RPS6KA6: variants seen among roughly 807,000 people sequenced by gnomAD.
RPS6KA6 encodes the protein ribosomal protein S6 kinase A6, also known as ribosomal protein S6 kinase alpha-6.
RPS6KA6 carries 27 observed loss-of-function variants against 65.4 expected under a neutral mutation model. The observed-to-expected ratio is 0.41, with a 90% CI of 0.30 to 0.57. The LOEUF is 0.57. RPS6KA6 is among the 20% of genes least tolerant of loss of function. RPS6KA6 has a pLI of 0.24. For missense variants in RPS6KA6, 486 were observed against 555.6 expected (o/e 0.87, Z 1.26); for synonymous variants, 190 against 184.2 (o/e 1.03, Z -0.26).
intron 3 of RPS6KA6, among the ~76,000 whole-genome samples, chrX:84,150,997 T>C (rs2035302218): frequency 3.8e-5 from 3 of 78,309 alleles, no homozygotes; most frequent in African/African-American, 8.1e-5. Context: ...ATAGAGGATA[T>C]ATATAGAGAG....
rs1295740350 is a variant in RPS6KA6 at position 84,060,577 on chromosome X, T to C, written c.*3700A>G. ...TTAAAAACAACATATACAGAAATAA[T>C]CGCCAATCTCTGTCTACCTCCACAT... On this transcript the variant is annotated 3_prime_UTR_variant, in exon 22 of 22. Coordinates refer to ENST00000262752, the MANE Select transcript of RPS6KA6 (RefSeq NM_014496.5). The C allele has an allele frequency of 9.1e-6, 1 of 110,415 alleles. No homozygotes were observed. Among genetic ancestry groups the C allele is most frequent in the Non-Finnish European group, 1.9e-5 (1 of 52,794 alleles). 9.1% of individuals were successfully genotyped at this position (110,415 alleles called of 1,213,427 possible). A position where few individuals can be genotyped will look rare whatever the true frequency, so the allele number is the denominator to read the frequency against.
In RPS6KA6 at chrX:84,060,177, C is replaced by G. The variant is rs1342385292; in HGVS notation, c.*4100G>C. On this transcript the variant is annotated 3_prime_UTR_variant, in exon 22 of 22. Transcript: ENST00000262752. Reference sequence around the variant, plus strand: ...ATTCCCACATAAAAAGGCAAATAGCCCACTATTGATTTATTCTGCTAATTT... The same window carrying G: ...ATTCCCACATAAAAAGGCAAATAGCGCACTATTGATTTATTCTGCTAATTT... 3 of 111,105 alleles carry G rather than the reference C, an allele frequency of 2.7e-5. No individual in the cohort carries two copies. The highest frequency in any genetic ancestry group is 1.9e-4 in the Admixed American group (2 of 10,375). 9.2% of individuals were successfully genotyped at this position (111,105 alleles called of 1,213,427 possible).
At chrX:84,186,682 C>T (rs2035932383) in intron 1 of RPS6KA6, 1 of 111,054 alleles carries the variant, frequency 9.0e-6, no homozygotes, top group African/African-American at 3.3e-5. Context: ...ATACAACAGC[C>T]AAATGTGTAT....
In RPS6KA6 at chrX:84,062,267, A is replaced by T. The variant is rs910823775; in HGVS notation, c.*2010T>A. 9.9e-5 allele frequency: 11 copies of T among 111,594 alleles called. No homozygotes were observed. Among genetic ancestry groups the T allele is most frequent in the Non-Finnish European group, 1.5e-4 (8 of 53,025 alleles). 9.2% of individuals were successfully genotyped at this position (111,594 alleles called of 1,213,427 possible). A position where few individuals can be genotyped will look rare whatever the true frequency, so the allele number is the denominator to read the frequency against. The stretch of plus-strand genomic sequence containing the variant: ...TAGAAAACCTGAAAGTTATTTTGTA[A>T]TCATTTTTCATTTTCTGATTTCACT... On this transcript the variant is annotated 3_prime_UTR_variant, in exon 22 of 22. Coordinates refer to ENST00000262752, the MANE Select transcript of RPS6KA6 (RefSeq NM_014496.5).
At chrX:84,140,897 A>G (rs2035090075) in intron 6 of RPS6KA6, among the ~76,000 whole-genome samples, 1 of 109,454 alleles carries the variant, frequency 9.1e-6, no homozygotes, top group South Asian at 3.9e-4. Context: ...CCCAAAAGTT[A>G]GAATGAAAAG....
chrX:84,139,977 GAGA>G (rs1035147015), intron 6 of RPS6KA6, among the ~76,000 whole-genome samples: 4 of 111,809 alleles, frequency 3.6e-5, no homozygotes, highest in African/African-American at 1.3e-4. Flanking sequence ...GAGAGTCTTA[GAGA>G]AGGAGGACAA....
At chrX:84,124,999 T>C (rs768899142) in intron 8 of RPS6KA6, among the ~76,000 whole-genome samples, 9 of 111,871 alleles carry the variant, frequency 8.0e-5, no homozygotes, top group African/African-American at 2.9e-4. Context: ...GAGAGTGGCA[T>C]GACATATTTA....
intron 1 of RPS6KA6, among the ~76,000 whole-genome samples, chrX:84,181,122 AATTGCTAT>A (rs1364856054): frequency 2.7e-5 from 3 of 111,702 alleles, no homozygotes; most frequent in Non-Finnish European, 5.7e-5. Flanking sequence ...TGGGTGTTTA[AATTGCTAT>A]ATTTCCTCTT....
At chrX:84,119,340 T>C (rs777194256) in intron 9 of RPS6KA6, among the ~76,000 whole-genome samples, 8 of 111,979 alleles carry the variant, frequency 7.1e-5, no homozygotes, top group Non-Finnish European at 1.1e-4. Flanking sequence ...GCTATTTATC[T>C]ATCATCCTAC....
chrX:84,176,128 T>C (rs188566391), intron 1 of RPS6KA6, among the ~76,000 whole-genome samples: 1 of 111,875 alleles, frequency 8.9e-6, no homozygotes, highest in Admixed American at 9.5e-5. Context: ...TTTTACAACC[T>C]TGTTTCAATG....
intron 2 of RPS6KA6, among the ~76,000 whole-genome samples, chrX:84,158,805 C>T (rs778839792): frequency 9.0e-6 from 1 of 111,352 alleles, no homozygotes; most frequent in East Asian, 2.8e-4. Context: ...ATTTGTAATG[C>T]CCTGGTTGCC....
intron 20 of RPS6KA6, among the ~76,000 whole-genome samples, chrX:84,073,272 G>T (rs1433317978): frequency 9.0e-6 from 1 of 111,633 alleles, no homozygotes; most frequent in Admixed American, 9.5e-5. Context: ...AACACACATT[G>T]GGTAAAGGAT....
chrX:84,150,652 C>T (rs754986790), intron 3 of RPS6KA6, among the ~76,000 whole-genome samples: 26 of 108,535 alleles, frequency 2.4e-4, no homozygotes, highest in Middle Eastern at 9.4e-3. Flanking sequence ...CTTATGTGTG[C>T]GTGGTTCATG....
Position 84,059,007 on chromosome X carries a change from T to A in RPS6KA6, c.*5270A>T, listed in dbSNP as rs2033254128. On this transcript the variant is annotated 3_prime_UTR_variant, in exon 22 of 22. Transcript: ENST00000262752. ...AAACAGAAAAACCACCTTCTCCTTT[T>A]TTTTGTACTATGGAATTTAATGCAA... The A allele has an allele frequency of 9.2e-6, 1 of 109,003 alleles. No individual in the cohort carries two copies. The highest frequency in any genetic ancestry group is 9.9e-5 in the Admixed American group (1 of 10,095). The allele number at this position is 109,003 out of a possible 1,213,427, so 9.0% of individuals were successfully genotyped here.
chrX:84,106,571 T>C (rs2034362528), intron 14 of RPS6KA6, 84 bp from the exon 15 acceptor site: 1 of 667,928 alleles, frequency 1.5e-6, no homozygotes. Context: ...TACATTCATC[T>C]TAAGCCTTAA....
In RPS6KA6 at chrX:84,060,120, A is replaced by ATGT. The variant is rs1282592137; in HGVS notation, c.*4154_*4156dup. 2.7e-5 allele frequency: 3 copies of ATGT among 111,435 alleles called. No individual in the cohort carries two copies. The highest frequency in any genetic ancestry group is 5.6e-5 in the Non-Finnish European group (3 of 53,107). The allele number at this position is 111,435 out of a possible 1,213,427, so 9.2% of individuals were successfully genotyped here. A position where few individuals can be genotyped will look rare whatever the true frequency, so the allele number is the denominator to read the frequency against. Reference sequence around the variant, plus strand: ...AACAGTGCATCCATGAGTATAATGTATGTTGTGAATAATCACTATCAATGC... The same window carrying ATGT: ...AACAGTGCATCCATGAGTATAATGTATGTTGTTGTGAATAATCACTATCAATGC... On this transcript the variant is annotated 3_prime_UTR_variant, in exon 22 of 22. Coordinates refer to ENST00000262752, the MANE Select transcript of RPS6KA6 (RefSeq NM_014496.5).
intron 1 of RPS6KA6, among the ~76,000 whole-genome samples, chrX:84,172,630 A>T (rs2147628265): frequency 8.9e-6 from 1 of 111,916 alleles, no homozygotes; most frequent in Non-Finnish European, 1.9e-5. Flanking sequence ...AACCAAAAAA[A>T]TCGAAAGCAG....
At chrX:84,150,464 A>G (rs964848000) in intron 3 of RPS6KA6, among the ~76,000 whole-genome samples, 4 of 111,163 alleles carry the variant, frequency 3.6e-5, no homozygotes, top group Non-Finnish European at 5.7e-5. Flanking sequence ...TGACAAATGC[A>G]GAACACTTCC....
intron 6 of RPS6KA6, among the ~76,000 whole-genome samples, chrX:84,141,430 A>G (rs1306843150): frequency 2.7e-5 from 3 of 110,747 alleles, no homozygotes; most frequent in African/African-American, 9.8e-5. Context: ...AAAGTAATTA[A>G]AAAGAAGCCA....
Sources: gnomAD v4.1 joint callset for allele counts (sites outside exome capture counted in the v4.1 genomes callset) on GRCh38, gnomAD v4.1.1 for gene constraint, MANE v1.5 for transcripts, NCBI Gene and HGNC (gene_info 2026-07-23, HGNC 2026-07-21) for gene names.